CMTR1: variants seen among roughly 807,000 people sequenced by gnomAD.
CMTR1 encodes the protein cap-specific mRNA (nucleoside-2'-O-)-methyltransferase 1.
Under a neutral mutation model 107.0 loss-of-function variants are expected in CMTR1, and 39 were observed. That is an observed-to-expected ratio of 0.36 (90% confidence interval 0.28 to 0.48). The LOEUF (loss-of-function observed/expected upper bound fraction) is 0.48. Among genes scored for constraint, CMTR1 ranks in the 20% least tolerant of loss-of-function variants. The probability of loss-of-function intolerance (pLI) is 0.99; values close to 1 mark genes in which losing one functional copy is unlikely to be tolerated. For synonymous variants in CMTR1, 366 were observed against 379.5 expected (o/e 0.96, Z 0.41); for missense variants, 672 against 1,064.9 (o/e 0.63, Z 5.14).
chr6:37,461,103 C>T (rs754098872), intron 10 of CMTR1, among the ~76,000 whole-genome samples: 2 of 152,150 alleles, frequency 1.3e-5, no homozygotes, highest in Non-Finnish European at 2.9e-5. Flanking sequence ...TCTCCTTCAC[C>T]AGAGTGGGAA....
Position 37,473,577 on chromosome 6 carries a change from G to A in CMTR1, c.1797G>A (p.Glu599=). 6.2e-7 allele frequency: 1 copy of A among 1,614,090 alleles called. No individual in the cohort carries two copies. The highest frequency in any genetic ancestry group is 8.5e-7 in the Non-Finnish European group (1 of 1,179,982). Residue 599 remains glutamate (E), a synonymous_variant, in exon 17 of 24, where the codon GAG becomes GAA. Transcript: ENST00000373451. ...ACCGCTGCATGGTATCTGGCAGTGA[G>A]CAGAAGTTCCTCATCGGCCTGGGGG... ...FDYRCMVSGS[E]QKFLIGLGKS...
chr6:37,470,946 T>C, intron 13 of CMTR1, 75 bp from the exon 14 acceptor site: 1 of 1,305,102 alleles, frequency 7.7e-7, no homozygotes, highest in Non-Finnish European at 1.1e-6. Context: ...TGCTCCCGTT[T>C]AACCTCTCTG....
intron 2 of CMTR1, among the ~76,000 whole-genome samples, chr6:37,442,214 T>G (rs1482876939): frequency 6.6e-6 from 1 of 152,264 alleles, no homozygotes; most frequent in African/African-American, 2.4e-5. Flanking sequence ...AGTCTGATCT[T>G]TTAAACGGTA....
In CMTR1 at chr6:37,481,217, TG is replaced by T; in HGVS notation, c.*1076del. On this transcript the variant is annotated 3_prime_UTR_variant, in exon 24 of 24. Coordinates refer to ENST00000373451, the MANE Select transcript of CMTR1 (RefSeq NM_015050.3). Reference sequence around the variant, plus strand: ...GAGGAGGGGGAGCTGGGCAGTAGCTTGGGGTGGGGGTGGGCACCTGTGGTTG... The same window carrying T: ...GAGGAGGGGGAGCTGGGCAGTAGCTTGGGTGGGGGTGGGCACCTGTGGTTG... The T allele has an allele frequency of 8.6e-7, 1 of 1,160,858 alleles. No homozygotes were observed. 71.9% of individuals were successfully genotyped at this position (1,160,858 alleles called of 1,614,324 possible). A position where few individuals can be genotyped will look rare whatever the true frequency, so the allele number is the denominator to read the frequency against.
upstream of CMTR1, among the ~76,000 whole-genome samples, chr6:37,432,536 T>C (rs77182682): frequency 0.016 from 2,364 of 152,240 alleles, 58 homozygotes; most frequent in African/African-American, 0.054. Context: ...TAAGCGCAAT[T>C]AAGTGTATGA....
chr6:37,462,799 T>G, intron 12 of CMTR1, 30 bp from the exon 13 acceptor site: 1 of 1,607,312 alleles, frequency 6.2e-7, no homozygotes, highest in African/African-American at 1.3e-5. Context: ...AAGCCCTTGC[T>G]CGGTGGAGTG....
rs369449619 is a variant in CMTR1 at position 37,478,533 on chromosome 6, G to C, written c.2266+12G>C. 6.2e-6 allele frequency: 10 copies of C among 1,601,582 alleles called. No homozygotes were observed. The African/African-American group carries it at 1.2e-4, about 19-fold the overall frequency. On this transcript the variant is annotated intron_variant, in intron 22 of 23. Transcript: ENST00000373451. ...CAGGACAGTGAATGGTGGGTGAGGA[G>C]GGACTGTTCCCGCCATCCCCTCCCC...
At chr6:37,463,136 T>C (rs1761436028) in intron 13 of CMTR1, 128 bp downstream of exon 13, 2 of 976,234 alleles carry the variant, frequency 2.0e-6, no homozygotes, top group Non-Finnish European at 3.1e-6. Flanking sequence ...GGGTTTGGTC[T>C]GCTGGTTTCA....
At chr6:37,471,292 C>T (rs1761618590) in intron 14 of CMTR1, among the ~76,000 whole-genome samples, 1 of 152,024 alleles carries the variant, frequency 6.6e-6, no homozygotes. Context: ...ATAAGAGTAA[C>T]CCAGGAAAAG....
Position 37,480,504 on chromosome 6 carries a change from C to T in CMTR1, c.*359C>T. ...GCTGTTCTCTCCTGCATCCTGTAGACTCACTTTTCTGAGTTCCATGCACTG... is the reference window on the plus strand; with the variant it reads ...GCTGTTCTCTCCTGCATCCTGTAGATTCACTTTTCTGAGTTCCATGCACTG... On this transcript the variant is annotated 3_prime_UTR_variant, in exon 24 of 24. Transcript: ENST00000373451. 1 of 1,098,312 alleles carries T rather than the reference C, an allele frequency of 9.1e-7. No homozygotes were observed. The highest frequency in any genetic ancestry group is 2.6e-5 in the South Asian group (1 of 38,148). 68.0% of individuals were successfully genotyped at this position (1,098,312 alleles called of 1,614,324 possible). A position where few individuals can be genotyped will look rare whatever the true frequency, so the allele number is the denominator to read the frequency against.
In CMTR1 at chr6:37,461,634, T is replaced by C; in HGVS notation, c.1181T>C (p.Ile394Thr). The change falls in exon 11 of 24, where the codon ATT (isoleucine) becomes ACT (threonine). Residue 394 changes from isoleucine to threonine, a missense_variant. Physicochemically the swap from Ile to Thr is moderately conservative, Grantham distance 89. Transcript: ENST00000373451. The part of the protein sequence containing the change: ...LLCQFLMALS[I>T]VRTGGHFICK... Reference sequence around the variant, plus strand: ...TGTCAGTTCCTCATGGCGCTGTCCATTGTCCGGACAGGTGACACTTCCTCA... The same window carrying C: ...TGTCAGTTCCTCATGGCGCTGTCCACTGTCCGGACAGGTGACACTTCCTCA... 1 of 1,606,206 alleles carries C rather than the reference T, an allele frequency of 6.2e-7. No individual in the cohort carries two copies. The highest frequency in any genetic ancestry group is 8.5e-7 in the Non-Finnish European group (1 of 1,174,758).
At chr6:37,434,157 GCTTT>G (rs2113859715) in intron 1 of CMTR1, among the ~76,000 whole-genome samples, 1 of 152,162 alleles carries the variant, frequency 6.6e-6, no homozygotes, top group South Asian at 2.1e-4. Flanking sequence ...GCTTGGTCTT[GCTTT>G]CTGTTTGCTC....
chr6:37,428,229 C>T (rs1199266056), upstream of CMTR1, among the ~76,000 whole-genome samples: 1 of 152,170 alleles, frequency 6.6e-6, no homozygotes, highest in Non-Finnish European at 1.5e-5. Flanking sequence ...TCCTTCACTA[C>T]AAGGATCCTT....
At chr6:37,428,548 C>T (rs988272338), upstream of CMTR1, among the ~76,000 whole-genome samples, 7 of 152,156 alleles carry the variant, frequency 4.6e-5, no homozygotes, top group African/African-American at 1.4e-4. Context: ...ACCTCCACCT[C>T]CCGGATTCAA....
intron 19 of CMTR1, 141 bp from the exon 20 acceptor site, chr6:37,475,985 G>C: frequency 1.3e-6 from 1 of 760,682 alleles, no homozygotes; most frequent in South Asian, 1.6e-5. Flanking sequence ...GCTTCCTGGG[G>C]GACATGGGTG....
At chr6:37,444,986 A>G (rs1327774120) in intron 3 of CMTR1, among the ~76,000 whole-genome samples, 1 of 152,226 alleles carries the variant, frequency 6.6e-6, no homozygotes, top group East Asian at 1.9e-4. Context: ...AGATCACGCC[A>G]CTGCACTCCA....
In CMTR1 at chr6:37,480,648, G is replaced by T. The variant is rs528297417; in HGVS notation, c.*503G>T. On this transcript the variant is annotated 3_prime_UTR_variant, in exon 24 of 24. Transcript: ENST00000373451. ...CCTGCTATAAAAAAATCAAGGTTTT[G>T]TTTCTTTGAACTTACTCTGTTTTGA... 2.9e-6 allele frequency: 3 copies of T among 1,021,128 alleles called. No homozygotes were observed. Among genetic ancestry groups the T allele is most frequent in the Non-Finnish European group, 3.5e-6 (3 of 853,732 alleles). 63.3% of individuals were successfully genotyped at this position (1,021,128 alleles called of 1,614,324 possible).
At position 37,479,436 on chromosome 6, in the gene CMTR1, C is replaced by T. The variant is rs528817237; in HGVS notation, c.2375+181C>T. ...CAGCCCCCTGCAGGTGTGGCTGGACCTGGGTAGAGCTGGTGAGGGAAGCAC... is the reference window on the plus strand; with the variant it reads ...CAGCCCCCTGCAGGTGTGGCTGGACTTGGGTAGAGCTGGTGAGGGAAGCAC... On this transcript the variant is annotated intron_variant, in intron 23 of 23. Coordinates refer to ENST00000373451, the MANE Select transcript of CMTR1 (RefSeq NM_015050.3). Among the ~76,000 whole-genome samples the T allele has an allele frequency of 2.0e-5, 3 of 152,358 alleles. No individual in the cohort carries two copies. In the East Asian group the frequency reaches 5.8e-4, roughly 29 times the overall value.
chr6:37,465,013 TA>T (rs1761477443), intron 13 of CMTR1, among the ~76,000 whole-genome samples: 2 of 150,902 alleles, frequency 1.3e-5, no homozygotes, highest in African/African-American at 5.0e-5. Flanking sequence ...CTCACGCCTG[TA>T]ATCCAGCACT....
Sources: gnomAD v4.1 joint callset for allele counts (sites outside exome capture counted in the v4.1 genomes callset) on GRCh38, gnomAD v4.1.1 for gene constraint, MANE v1.5 for transcripts, NCBI Gene and HGNC (gene_info 2026-07-23, HGNC 2026-07-21) for gene names.